FHIT: variants seen among roughly 807,000 people sequenced by gnomAD.
The protein encoded by FHIT is bis(5'-adenosyl)-triphosphatase.
A neutral mutation model predicts 17.9 loss-of-function variants in FHIT; 19 were observed. The ratio of observed to expected loss-of-function variants is 1.06; its 90% CI spans 0.74 to 1.56. The LOEUF (loss-of-function observed/expected upper bound fraction) is 1.56, where lower values mean the gene tolerates loss of function less well. Among genes scored for constraint, FHIT ranks in the 40% most tolerant of loss-of-function variants. The pLI is 0.00. For missense variants in FHIT, 248 were observed against 189.2 expected (o/e 1.31, Z -1.82); for synonymous variants, 81 against 69.7 (o/e 1.16, Z -0.81).
chr3:59,762,980 A>G (rs868194220), intron 8 of FHIT, among the ~76,000 whole-genome samples: 1 of 152,220 alleles, frequency 6.6e-6, no homozygotes, highest in African/African-American at 2.4e-5. Flanking sequence ...CAGACTTCGG[A>G]GAAGGAAGCA....
At chr3:61,074,200 T>C (rs904059702) in intron 2 of FHIT, among the ~76,000 whole-genome samples, 2 of 152,188 alleles carry the variant, frequency 1.3e-5, no homozygotes, top group African/African-American at 2.4e-5. Context: ...AACCCATTTA[T>C]CTTATAGAAT....
chr3:60,193,166 T>C (rs1702480040), intron 5 of FHIT, among the ~76,000 whole-genome samples: 1 of 152,218 alleles, frequency 6.6e-6, no homozygotes, highest in South Asian at 2.1e-4. Context: ...AGAATGCACT[T>C]AGTCACTTTA....
At chr3:60,124,560 C>A (rs1705454272) in intron 5 of FHIT, among the ~76,000 whole-genome samples, 1 of 152,068 alleles carries the variant, frequency 6.6e-6, no homozygotes, top group Non-Finnish European at 1.5e-5. Context: ...TAGTGCTTCC[C>A]CTTGTTCTAT....
chr3:59,997,224 G>C (rs1424320620), intron 7 of FHIT, among the ~76,000 whole-genome samples: 1 of 152,128 alleles, frequency 6.6e-6, no homozygotes, highest in African/African-American at 2.4e-5. Context: ...ATCATGCCAT[G>C]TACACAGCCA....
chr3:60,384,213 A>G (rs1700916362), intron 5 of FHIT, among the ~76,000 whole-genome samples: 1 of 151,576 alleles, frequency 6.6e-6, no homozygotes, highest in South Asian at 2.1e-4. Context: ...GGTTGTGGTG[A>G]GCTGAGATCA....
At chr3:60,337,171 T>C (rs1455293328) in intron 5 of FHIT, among the ~76,000 whole-genome samples, 2 of 152,178 alleles carry the variant, frequency 1.3e-5, no homozygotes, top group African/African-American at 4.8e-5. Flanking sequence ...TGTGATAAAT[T>C]ATGCTGCTCT....
At chr3:60,276,683 C>T (rs1337410530) in intron 5 of FHIT, among the ~76,000 whole-genome samples, 2 of 152,154 alleles carry the variant, frequency 1.3e-5, no homozygotes, top group African/African-American at 4.8e-5. Context: ...GTTTATTTGG[C>T]TATGGATCTG....
In FHIT at chr3:60,363,115, G is replaced by A. The variant is rs112510218; in HGVS notation, c.103+173745C>T. Among the ~76,000 whole-genome samples, 766 of 152,148 alleles carry A rather than the reference G, an allele frequency of 5.0e-3. 6 individuals are homozygous for A. The highest frequency in any genetic ancestry group is 0.022 in the South Asian group (107 of 4,808). ...AAGGCAGTATGCAACAAAGAGTTGG[G>A]TATCAAAAAATAAAAATAAAAAGAG... On this transcript the variant is annotated intron_variant, in intron 5 of 9. Transcript: ENST00000492590.
intron 3 of FHIT, among the ~76,000 whole-genome samples, chr3:60,879,571 T>C (rs1467517427): frequency 6.6e-6 from 1 of 151,972 alleles, no homozygotes; most frequent in Non-Finnish European, 1.5e-5. Context: ...CAAACCCTAA[T>C]GACAAGAAAA....
intron 3 of FHIT, among the ~76,000 whole-genome samples, chr3:60,949,569 G>A (rs1553776633): frequency 6.6e-6 from 1 of 152,006 alleles, no homozygotes; most frequent in Non-Finnish European, 1.5e-5. Context: ...TCAGAAAGCG[G>A]GTCACTTCCC....
intron 4 of FHIT, among the ~76,000 whole-genome samples, chr3:60,545,696 CTGT>C (rs1198144897): frequency 2.6e-5 from 4 of 152,140 alleles, no homozygotes; most frequent in Non-Finnish European, 4.4e-5. Flanking sequence ...TTTTATAGCA[CTGT>C]TGTTAAGAGA....
chr3:60,879,733 T>G (rs1311124360), intron 3 of FHIT, among the ~76,000 whole-genome samples: 12 of 151,478 alleles, frequency 7.9e-5, no homozygotes, highest in Non-Finnish European at 1.6e-4. Flanking sequence ...TAAAAAATAA[T>G]TCAATTAATA....
At chr3:60,332,536 G>A (rs1471520088) in intron 5 of FHIT, among the ~76,000 whole-genome samples, 1 of 152,164 alleles carries the variant, frequency 6.6e-6, no homozygotes, top group Non-Finnish European at 1.5e-5. Flanking sequence ...CCAGAGGGCT[G>A]TGGGATCTAG....
chr3:60,642,783 C>T (rs2039759574), intron 4 of FHIT, among the ~76,000 whole-genome samples: 2 of 152,110 alleles, frequency 1.3e-5, no homozygotes, highest in South Asian at 4.1e-4. Context: ...GCCAACCCTG[C>T]TTCCTCTGGC....
At chr3:60,435,361 T>A (rs2734377) in intron 5 of FHIT, among the ~76,000 whole-genome samples, 54,498 of 152,042 alleles carry the variant, frequency 0.36, 10,261 homozygotes, top group East Asian at 0.53. Flanking sequence ...ATGGCAAGGC[T>A]GTTTTTAACA....
intron 1 of FHIT, among the ~76,000 whole-genome samples, chr3:61,204,394 G>C (rs2039137550): frequency 6.6e-6 from 1 of 152,124 alleles, no homozygotes; most frequent in Admixed American, 6.6e-5. Flanking sequence ...TATTTTGCAT[G>C]TAGGCTCTAT....
At chr3:59,794,668 G>T (rs1028858346) in intron 8 of FHIT, among the ~76,000 whole-genome samples, 2 of 152,216 alleles carry the variant, frequency 1.3e-5, no homozygotes, top group Admixed American at 6.5e-5. Context: ...TATTGTAACA[G>T]CACTTCCTGT....
chr3:60,981,392 CCTCCCAGGTTCAAGCAATT>C (rs1710489367), intron 3 of FHIT, among the ~76,000 whole-genome samples: 2 of 151,026 alleles, frequency 1.3e-5, no homozygotes, highest in Non-Finnish European at 2.9e-5. Context: ...GCAATCTCCA[CCTCCCAGGTTCAAGCAATT>C]CTCCTGCCTC....
At chr3:61,163,417 C>T (rs2107103844) in intron 2 of FHIT, among the ~76,000 whole-genome samples, 1 of 152,334 alleles carries the variant, frequency 6.6e-6, no homozygotes, top group South Asian at 2.1e-4. Context: ...GTCTGGCACA[C>T]AGAAGGCTGA....
Sources: gnomAD v4.1 joint callset for allele counts (sites outside exome capture counted in the v4.1 genomes callset) on GRCh38, gnomAD v4.1.1 for gene constraint, MANE v1.5 for transcripts, NCBI Gene and HGNC (gene_info 2026-07-23, HGNC 2026-07-21) for gene names.